Variants in CEP126 observed in about 807,000 individuals in gnomAD.
The protein encoded by CEP126 is centrosomal protein of 126 kDa.
A neutral mutation model predicts 107.8 loss-of-function variants in CEP126; 74 were observed. That is an observed-to-expected ratio of 0.69 (90% CI 0.57 to 0.83). The LOEUF (loss-of-function observed/expected upper bound fraction) is 0.83, where lower values mean the gene tolerates loss of function less well. Ranked by LOEUF, CEP126 falls within the 40% of genes least tolerant of loss-of-function variation. CEP126 has a pLI of 0.00. For missense variants in CEP126, 1,237 were observed against 1,281.9 expected, an observed-to-expected ratio of 0.96 and a Z score of 0.53; for synonymous variants, 449 against 446.0, an observed-to-expected ratio of 1.01 and a Z score of -0.08.
chr11:101,979,111 A>G (rs1017295746), intron 7 of CEP126, among the ~76,000 whole-genome samples: 13 of 152,082 alleles, frequency 8.5e-5, no homozygotes, highest in African/African-American at 3.1e-4. Flanking sequence ...CAGCCTGGGC[A>G]ACAAGAGCAA....
chr11:101,963,383 C>T lies in CEP126; in HGVS notation c.2348C>T (p.Ser783Phe). The change falls in exon 6 of 11, where the codon TCT becomes TTT. Residue 783 changes from serine (S) to phenylalanine (F), a missense_variant. Around this residue, in one of 3 missense-constraint regions of CEP126, gnomAD observed 1,134 missense variants for 1,150.5 expected, o/e 0.99. Transcript: ENST00000263468. The part of the protein sequence containing the change: ...NRKGAVIQPQ[S>F]ASKVNIFTQA... ...AAAGGCGCTGTCATTCAACCACAGT[C>T]TGCAAGCAAAGTCAACATATTTACA... The T allele has an allele frequency of 6.2e-7, 1 of 1,614,134 alleles. No homozygotes were observed. The highest frequency in any genetic ancestry group is 8.5e-7 in the Non-Finnish European group (1 of 1,180,032).
chr11:101,982,818 T>A (rs916872412), intron 8 of CEP126, among the ~76,000 whole-genome samples: 7 of 152,258 alleles, frequency 4.6e-5, no homozygotes, highest in Non-Finnish European at 1.0e-4. Context: ...AAATCCAAAA[T>A]TTTTTGACCC....
intron 6 of CEP126, among the ~76,000 whole-genome samples, chr11:101,971,955 A>T (rs774079339): frequency 3.7e-4 from 57 of 152,074 alleles, no homozygotes; most frequent in Non-Finnish European, 6.8e-4. Context: ...CTAAAAATTT[A>T]AAAATTAGCT....
In CEP126 at chr11:101,963,876, T is replaced by C. The variant is rs778114620; in HGVS notation, c.2841T>C (p.Ala947=). 2.5e-6 allele frequency: 4 copies of C among 1,577,640 alleles called. No homozygotes were observed. Among genetic ancestry groups the C allele is most frequent in the African/African-American group, 1.4e-5 (1 of 73,034 alleles). Residue 947 remains alanine (A), a synonymous_variant, in exon 6 of 11, where the codon GCT becomes GCC. Transcript: ENST00000263468. The stretch of plus-strand genomic sequence containing the variant: ...ATGTCCTGCATCAAAATAAGAGGGC[T>C]ACAGGTAAGAATAAATTTATAGCTT... ...GPNVLHQNKR[A]TGSTVMRRKR...
Position 101,997,945 on chromosome 11 carries a change from G to A in CEP126, c.*302G>A, listed in dbSNP as rs958221540. The A allele has an allele frequency of 1.8e-5, 5 of 272,242 alleles. No homozygotes were observed. Among genetic ancestry groups the A allele is most frequent in the Admixed American group, 1.0e-4 (2 of 20,008 alleles). 16.9% of individuals were successfully genotyped at this position (272,242 alleles called of 1,614,324 possible). A position where few individuals can be genotyped will look rare whatever the true frequency, so the allele number is the denominator to read the frequency against. ...AAGCTTGTGAGTAGAGCAAACAAAC[G>A]TTTTTCCAAAGAATTCACAGTGCTC... On this transcript the variant is annotated 3_prime_UTR_variant, in exon 11 of 11. Coordinates refer to ENST00000263468, the MANE Select transcript of CEP126 (RefSeq NM_020802.4).
intron 3 of CEP126, among the ~76,000 whole-genome samples, chr11:101,946,101 T>G (rs549236433): frequency 9.2e-5 from 14 of 152,068 alleles, no homozygotes; most frequent in Non-Finnish European, 1.9e-4. Context: ...GTGCACTGAG[T>G]GTAAGAGATA....
chr11:101,992,916 AG>A, intron 10 of CEP126, 74 bp downstream of exon 10: 1 of 1,294,594 alleles, frequency 7.7e-7, no homozygotes, highest in Non-Finnish European at 1.0e-6. Flanking sequence ...AATACAGGTA[AG>A]AACCCCGTAT....
At position 101,987,276 on chromosome 11, in the gene CEP126, G is replaced by A. The variant is rs529953366; in HGVS notation, c.3244+235G>A. 4.6e-5 allele frequency among the ~76,000 whole-genome samples: 7 copies of A among 152,222 alleles called. No individual in the cohort carries two copies. The East Asian group carries it at 1.3e-3, about 29-fold the overall frequency. ...TCTGTCTTTTCAGAATATATGAATA[G>A]ACTTCTGTTTCAGCAATGGACAGGC... On this transcript the variant is annotated intron_variant, in intron 9 of 10. Transcript: ENST00000263468.
rs774586622 is a variant in CEP126 at position 101,948,018 on chromosome 11, ATT to A, written c.395-12_395-11del. On this transcript the variant is annotated splice_polypyrimidine_tract_variant and intron_variant, in intron 3 of 10. Coordinates refer to ENST00000263468, the MANE Select transcript of CEP126 (RefSeq NM_020802.4). ...AGTGATTCTGTACTGTTCGGTCTTT[ATT>A]ATCTCTTTAGTTTCCCGAAAACCAG... 19 of 1,511,084 alleles carry A rather than the reference ATT, an allele frequency of 1.3e-5. No homozygotes were observed. The highest frequency in any genetic ancestry group is 1.8e-6 in the Non-Finnish European group (2 of 1,089,096). 93.6% of individuals were successfully genotyped at this position (1,511,084 alleles called of 1,614,324 possible).
chr11:101,988,969 T>C (rs1013151977), intron 9 of CEP126, among the ~76,000 whole-genome samples: 1 of 152,208 alleles, frequency 6.6e-6, no homozygotes, highest in Admixed American at 6.5e-5. Flanking sequence ...AAAAATCAAA[T>C]AGATGTATAA....
chr11:101,974,548 A>G (rs911706689), intron 6 of CEP126, among the ~76,000 whole-genome samples: 6 of 152,176 alleles, frequency 3.9e-5, no homozygotes, highest in African/African-American at 1.4e-4. Flanking sequence ...ATTTTTTCCA[A>G]AACTATAATT....
intron 2 of CEP126, among the ~76,000 whole-genome samples, chr11:101,930,630 G>T (rs1278364252): frequency 6.6e-6 from 1 of 152,086 alleles, no homozygotes; most frequent in East Asian, 1.9e-4. Flanking sequence ...CCCTTATTTG[G>T]CCCTGCCCAT....
At chr11:101,954,048 T>C (rs1591280657) in intron 4 of CEP126, among the ~76,000 whole-genome samples, 1 of 103,888 alleles carries the variant, frequency 9.6e-6, no homozygotes, top group South Asian at 3.0e-4. Context: ...TTGTTTGTTT[T>C]GAGACAGTCT....
intron 6 of CEP126, among the ~76,000 whole-genome samples, chr11:101,967,300 G>GCC (rs1941069637): frequency 6.6e-6 from 1 of 152,122 alleles, no homozygotes; most frequent in Admixed American, 6.5e-5. Context: ...ATAGGCATGA[G>GCC]CCACCGTGCC....
intron 9 of CEP126, among the ~76,000 whole-genome samples, chr11:101,990,204 A>G (rs1941362105): frequency 6.6e-6 from 1 of 152,110 alleles, no homozygotes; most frequent in Admixed American, 6.6e-5. Flanking sequence ...ATCTACACTG[A>G]GTGTGTGTTC....
intron 2 of CEP126, among the ~76,000 whole-genome samples, chr11:101,933,666 G>A (rs1940532639): frequency 6.6e-6 from 1 of 151,978 alleles, no homozygotes; most frequent in African/African-American, 2.4e-5. Flanking sequence ...TACTTTGCCA[G>A]CAGCCTTCTC....
chr11:101,971,847 G>A (rs755577100), intron 6 of CEP126, among the ~76,000 whole-genome samples: 3 of 152,196 alleles, frequency 2.0e-5, no homozygotes, highest in South Asian at 2.1e-4. Context: ...CGTGGCTCAC[G>A]CCTGTAATTC....
chr11:101,931,185 A>T (rs1314099025), intron 2 of CEP126, among the ~76,000 whole-genome samples: 1 of 152,128 alleles, frequency 6.6e-6, no homozygotes, highest in African/African-American at 2.4e-5. Context: ...TGACACCTCA[A>T]CCTTTAGAGA....
At chr11:101,916,294 G>A (rs567525194) in intron 1 of CEP126, 1 of 152,240 alleles carries the variant, frequency 6.6e-6, no homozygotes, top group African/African-American at 2.4e-5. Flanking sequence ...TACAATTTTA[G>A]CAGCAAGTCA....
Sources: gnomAD v4.1 joint callset for allele counts (sites outside exome capture counted in the v4.1 genomes callset) on GRCh38, gnomAD v4.1.1 for gene constraint, gnomAD v4.1.1 regional missense constraint, MANE v1.5 for transcripts, NCBI Gene and HGNC (gene_info 2026-07-23, HGNC 2026-07-21) for gene names.